The following LRRIQ1 variants were observed in gnomAD, a reference collection of about 807,000 sequenced individuals.
LRRIQ1 encodes leucine rich repeats and IQ motif containing 1, also known as leucine-rich repeat- and IQ domain-containing protein 1.
A neutral mutation model predicts 211.9 loss-of-function variants in LRRIQ1; 210 were observed. The observed-to-expected ratio is 0.99, with a 90% CI of 0.89 to 1.11. The LOEUF is 1.11. Among genes scored for constraint, LRRIQ1 ranks in the 50% most tolerant of loss-of-function variants. LRRIQ1 has a pLI of 0.00. For missense variants in LRRIQ1, 2,136 were observed against 1,939.5 expected (o/e 1.10, Z -1.90); for synonymous variants, 699 against 650.1 (o/e 1.08, Z -1.14).
chr12:85,217,628 GTATATATGTA>G (rs1446794774), intron 24 of LRRIQ1, among the ~76,000 whole-genome samples: 7 of 134,128 alleles, frequency 5.2e-5, no homozygotes, highest in South Asian at 4.5e-4. Context: ...ATGTATATAT[GTATATATGTA>G]TATATATGTG....
At chr12:85,185,374 TATAAA>T (rs1892175881) in intron 24 of LRRIQ1, among the ~76,000 whole-genome samples, 1 of 151,790 alleles carries the variant, frequency 6.6e-6, no homozygotes. Context: ...TATAAATTAA[TATAAA>T]ATAAAACAAA....
At chr12:85,214,095 A>G (rs1455437245) in intron 24 of LRRIQ1, among the ~76,000 whole-genome samples, 1 of 152,070 alleles carries the variant, frequency 6.6e-6, no homozygotes. Context: ...AACTAACTCT[A>G]TGAATAAACA....
intron 24 of LRRIQ1, among the ~76,000 whole-genome samples, chr12:85,188,610 T>C (rs1258173638): frequency 1.3e-5 from 2 of 152,164 alleles, no homozygotes; most frequent in Non-Finnish European, 2.9e-5. Flanking sequence ...ATTGAAATAC[T>C]CTCTTATCTG....
chr12:85,098,558 T>C lies in LRRIQ1; in HGVS notation c.3081+10T>C, dbSNP rs114389021. 6,295 of 1,578,382 alleles carry C rather than the reference T, an allele frequency of 4.0e-3. 199 individuals are homozygous for C. In the African/African-American group the frequency reaches 0.072, roughly 18 times the overall value. ...AAATTATCTGAGTGAGGTAATTGCT[T>C]TGAATTAATTGATTTCTGTGATAAA... On this transcript the variant is annotated intron_variant, in intron 12 of 26. Transcript: ENST00000393217.
At chr12:85,085,309 C>T (rs1478236627) in intron 11 of LRRIQ1, among the ~76,000 whole-genome samples, 1 of 152,112 alleles carries the variant, frequency 6.6e-6, no homozygotes, top group African/African-American at 2.4e-5. Flanking sequence ...GAAGAACTTG[C>T]CAAATACTTA....
Position 85,071,688 on chromosome 12 carries a change from A to T in LRRIQ1, c.2696-1219A>T, listed in dbSNP as rs370023737. Among the ~76,000 whole-genome samples the T allele has an allele frequency of 9.9e-5, 15 of 152,214 alleles. No homozygotes were observed. In the South Asian group the frequency reaches 3.1e-3, roughly 31 times the overall value. On this transcript the variant is annotated intron_variant, in intron 10 of 26. Coordinates refer to ENST00000393217, the MANE Select transcript of LRRIQ1 (RefSeq NM_001079910.2). ...AAGGAAAGAGGTTTAATAGACTCAC[A>T]GTTCCACACGGCTGGGGCCTCAAAA...
At chr12:85,205,776 AT>A (rs957449634) in intron 24 of LRRIQ1, among the ~76,000 whole-genome samples, 1 of 152,052 alleles carries the variant, frequency 6.6e-6, no homozygotes, top group African/African-American at 2.4e-5. Context: ...TCTTATATTT[AT>A]TGGAGGTTTT....
chr12:85,106,569 G>T lies in LRRIQ1; in HGVS notation c.3331G>T (p.Glu1111Ter). 6.2e-7 allele frequency: 1 copy of T among 1,612,666 alleles called. No individual in the cohort carries two copies. Among genetic ancestry groups the T allele is most frequent in the South Asian group, 1.1e-5 (1 of 90,974 alleles). Residue 1111 changes from glutamate (E) to a stop codon, truncating the protein, a stop_gained, in exon 15 of 27, where the codon GAA becomes TAA. Coordinates refer to ENST00000393217, the MANE Select transcript of LRRIQ1 (RefSeq NM_001079910.2). LOFTEE classifies it high-confidence loss of function. ...GTTTGATGCATGCTATTCTCTCCAT[G>T]AATTGTCTCTTACTGGAAACCCACT... Reference protein sequence around the residue: ...KWFDACYSLHELSLTGNPLLQ... With the variant: ...KWFDACYSLH
chr12:85,070,383 T>A (rs1395094614), intron 10 of LRRIQ1, among the ~76,000 whole-genome samples: 2 of 151,998 alleles, frequency 1.3e-5, no homozygotes, highest in African/African-American at 4.8e-5. Flanking sequence ...AGGATGTGAT[T>A]TGTGAATTTT....
the LRRIQ1 span, among the ~76,000 whole-genome samples, chr12:85,271,737 A>C: frequency 6.6e-6 from 1 of 152,102 alleles, no homozygotes; most frequent in African/African-American, 2.4e-5. Flanking sequence ...TTATTGTTTG[A>C]ACCCCATAAG....
At chr12:85,174,859 G>C (rs1891612309) in intron 24 of LRRIQ1, among the ~76,000 whole-genome samples, 1 of 151,930 alleles carries the variant, frequency 6.6e-6, no homozygotes, top group Admixed American at 6.6e-5. Context: ...TTAGGAAAAT[G>C]AATGAAAATA....
At chr12:85,180,182 T>G (rs936096291) in intron 24 of LRRIQ1, among the ~76,000 whole-genome samples, 5 of 151,922 alleles carry the variant, frequency 3.3e-5, no homozygotes, top group Non-Finnish European at 5.9e-5. Flanking sequence ...ACTTTGGAAT[T>G]TATTTAATCA....
exon 2 of LRRIQ1, chr12:85,263,478 C>T (rs915578986): frequency 4.0e-5 from 6 of 151,684 alleles, no homozygotes; most frequent in Non-Finnish European, 7.4e-5. Context: ...ATTAGATTAT[C>T]GTACTTGAGT....
intron 13 of LRRIQ1, 38 bp downstream of exon 13, chr12:85,099,032 T>A: frequency 7.2e-7 from 1 of 1,396,548 alleles, no homozygotes; most frequent in Non-Finnish European, 9.7e-7. Context: ...AGTGAATGAT[T>A]GTTTAAAATA....
chr12:85,233,329 A>G (rs1413609673), intron 26 of LRRIQ1, among the ~76,000 whole-genome samples: 2 of 151,976 alleles, frequency 1.3e-5, no homozygotes, highest in African/African-American at 4.8e-5. Context: ...TTTGGAGTCT[A>G]GGAAAACTGA....
downstream of LRRIQ1, chr12:85,264,501 G>T (rs533433166): frequency 2.6e-5 from 4 of 152,014 alleles, no homozygotes; most frequent in East Asian, 7.7e-4. Flanking sequence ...TGTTTATTGT[G>T]TTCAGCCTTG....
At chr12:85,182,144 A>G (rs184416796) in intron 24 of LRRIQ1, among the ~76,000 whole-genome samples, 16 of 152,204 alleles carry the variant, frequency 1.1e-4, no homozygotes, top group African/African-American at 2.6e-4. Context: ...AAAAAAGTCA[A>G]TGAAAATCTT....
At chr12:85,101,744 A>G (rs1359337017) in intron 13 of LRRIQ1, among the ~76,000 whole-genome samples, 1 of 151,842 alleles carries the variant, frequency 6.6e-6, no homozygotes, top group Non-Finnish European at 1.5e-5. Context: ...GAAAACAAAC[A>G]TGATATTAAC....
the LRRIQ1 span, among the ~76,000 whole-genome samples, chr12:85,269,650 G>A: frequency 6.6e-6 from 1 of 151,950 alleles, no homozygotes; most frequent in South Asian, 2.1e-4. Context: ...TCCTGAACAA[G>A]CTAATCTACT....
Sources: allele counts gnomAD v4.1 joint callset (sites outside exome capture counted in the v4.1 genomes callset), GRCh38; gene constraint gnomAD v4.1.1; transcripts MANE v1.5; gene names NCBI Gene and HGNC (gene_info 2026-07-23, HGNC 2026-07-21).